Variants in GDA observed in about 807,000 individuals in gnomAD.
GDA encodes guanine deaminase.
In GDA, 18 loss-of-function variants were observed where a neutral mutation model predicts 59.6. The ratio of observed to expected loss-of-function variants is 0.30; its 90% CI spans 0.21 to 0.45. The LOEUF is 0.45. Ranked by LOEUF, GDA falls within the 20% of genes least tolerant of loss-of-function variation. The pLI, the probability that GDA is intolerant of heterozygous loss-of-function variation, is 1.00. For missense variants in GDA, 427 were observed against 552.3 expected, an observed-to-expected ratio of 0.77 and a Z score of 2.27; for synonymous variants, 201 against 201.1, an observed-to-expected ratio of 1.00 and a Z score of 0.00.
chr9:72,254,095 G>T (rs903790298), downstream of GDA, among the ~76,000 whole-genome samples: 1 of 152,162 alleles, frequency 6.6e-6, no homozygotes, highest in Non-Finnish European at 1.5e-5. Flanking sequence ...ATGGCAGCAG[G>T]TGTTTTGTTT....
intron 1 of GDA, among the ~76,000 whole-genome samples, chr9:72,161,573 G>A (rs767917298): frequency 1.2e-4 from 19 of 152,102 alleles, no homozygotes; most frequent in Non-Finnish European, 2.8e-4. Flanking sequence ...GTTCTCAAAG[G>A]CCTTTAACTC....
intron 1 of GDA, among the ~76,000 whole-genome samples, chr9:72,122,804 T>C (rs1825708670): frequency 6.6e-6 from 1 of 152,152 alleles, no homozygotes; most frequent in African/African-American, 2.4e-5. Context: ...AGCCTTTCTA[T>C]CATTTCCCTT....
At chr9:72,155,375 G>C (rs1371660493) in intron 1 of GDA, among the ~76,000 whole-genome samples, 1 of 152,180 alleles carries the variant, frequency 6.6e-6, no homozygotes, top group Non-Finnish European at 1.5e-5. Context: ...CCCACAACAT[G>C]TGGGAATTAG....
At chr9:72,146,738 C>A (rs1479558514), upstream of GDA, among the ~76,000 whole-genome samples, 2 of 152,158 alleles carry the variant, frequency 1.3e-5, no homozygotes, top group Non-Finnish European at 2.9e-5. Context: ...GTGATCCGCC[C>A]TCCTCAGCCT....
intron 1 of GDA, among the ~76,000 whole-genome samples, chr9:72,120,575 CT>C (rs1039100383): frequency 1.1e-4 from 16 of 152,244 alleles, no homozygotes; most frequent in African/African-American, 3.4e-4. Context: ...GCAGTGGGGT[CT>C]TTTCTTGTTT....
intron 1 of GDA, among the ~76,000 whole-genome samples, chr9:72,170,239 G>A (rs1829789444): frequency 6.6e-6 from 1 of 152,180 alleles, no homozygotes; most frequent in African/African-American, 2.4e-5. Flanking sequence ...AAGTGCGGTA[G>A]CTTCTGGGGC....
At chr9:72,257,315 G>A (rs1403367644), downstream of GDA, 1 of 148,802 alleles carries the variant, frequency 6.7e-6, no homozygotes, top group African/African-American at 2.5e-5. Context: ...GATAGCCGAG[G>A]TTGCCTTAAG....
Position 72,153,963 on chromosome 9 carries a change from TA to T in GDA, c.123+4291del, listed in dbSNP as rs144225313. On this transcript the variant is annotated intron_variant, in intron 1 of 13. Transcript: ENST00000358399. ...ATGTACCCTAAAACTTAAAGTATAA[TA>T]AAAAAAAAATATAGACTCTAACATG... Among the ~76,000 whole-genome samples the T allele has an allele frequency of 5.1e-3, 760 of 149,422 alleles. 4 individuals carry two copies. The highest frequency in any genetic ancestry group is 0.011 in the South Asian group (53 of 4,702).
intron 1 of GDA, among the ~76,000 whole-genome samples, chr9:72,170,191 GA>G (rs1188974378): frequency 6.6e-6 from 1 of 152,212 alleles, no homozygotes; most frequent in Non-Finnish European, 1.5e-5. Context: ...CTGTGCTTAT[GA>G]AAACACATAA....
chr9:72,170,577 A>G (rs1284057875), intron 1 of GDA, among the ~76,000 whole-genome samples: 1 of 152,180 alleles, frequency 6.6e-6, no homozygotes, highest in Non-Finnish European at 1.5e-5. Context: ...CATTCGTAAA[A>G]TGGATATGGG....
chr9:72,129,009 C>T (rs1439328209), intron 1 of GDA, among the ~76,000 whole-genome samples: 1 of 151,600 alleles, frequency 6.6e-6, no homozygotes, highest in East Asian at 1.9e-4. Context: ...TTTGCCCAGG[C>T]TGAAGTGAAG....
At chr9:72,168,113 T>C (rs62561976) in intron 1 of GDA, among the ~76,000 whole-genome samples, 1 of 151,902 alleles carries the variant, frequency 6.6e-6, no homozygotes. Context: ...AGGAAAAGAT[T>C]GGGCAGGGTG....
At chr9:72,180,517 A>G (rs933876707) in intron 1 of GDA, among the ~76,000 whole-genome samples, 47 of 152,266 alleles carry the variant, frequency 3.1e-4, no homozygotes, top group African/African-American at 1.0e-3. Flanking sequence ...CAAAAGAGAG[A>G]GAGAGTGAGT....
chr9:72,206,927 A>C (rs1395614878), intron 3 of GDA, among the ~76,000 whole-genome samples: 1 of 151,852 alleles, frequency 6.6e-6, no homozygotes, highest in Non-Finnish European at 1.5e-5. Context: ...TAGAATTATC[A>C]AAAATGGCTT....
intron 7 of GDA, among the ~76,000 whole-genome samples, chr9:72,223,630 T>C (rs1373596156): frequency 6.6e-6 from 1 of 152,202 alleles, no homozygotes; most frequent in Non-Finnish European, 1.5e-5. Flanking sequence ...AAACCAGCTA[T>C]TATTTGAAAA....
At chr9:72,204,565 A>G (rs935026871) in intron 3 of GDA, among the ~76,000 whole-genome samples, 7 of 152,206 alleles carry the variant, frequency 4.6e-5, no homozygotes, top group Non-Finnish European at 1.0e-4. Flanking sequence ...TAAAAAACAC[A>G]TTTGTTAAGG....
rs1564025002 is a variant in GDA, at chr9:72,198,862, A to ATATATATATATAT, written c.212+3274_212+3275insTATATATATATAT. On this transcript the variant is annotated intron_variant, in intron 2 of 13. Transcript: ENST00000358399. Reference sequence around the variant, plus strand: ...ATATAGGGGGATATATATATATATAAAATTTTTTTTGCTCAGGTTATGATA... The same window carrying ATATATATATATAT: ...ATATAGGGGGATATATATATATATAATATATATATATATAATTTTTTTTGCTCAGGTTATGATA... 5.6e-4 allele frequency among the ~76,000 whole-genome samples: 51 copies of ATATATATATATAT among 91,718 alleles called. 3 individuals carry two copies. The highest frequency in any genetic ancestry group is 2.0e-3 in the African/African-American group (51 of 25,732). The allele number at this position is 91,718 out of a possible 152,430, so 60.2% of individuals were successfully genotyped here.
At chr9:72,256,438 G>A (rs927473726), downstream of GDA, among the ~76,000 whole-genome samples, 3 of 152,192 alleles carry the variant, frequency 2.0e-5, no homozygotes, top group Admixed American at 6.5e-5. Context: ...GATGTATAGA[G>A]AGCTAAGGGT....
rs531583959 is a variant in GDA, at chr9:72,116,842, T to G, written c.-100+2009T>G. On this transcript the variant is annotated intron_variant, in intron 1 of 13. Coordinates refer to the GDA transcript ENST00000545168. ...GCACAACGTGCAGGTTTGTTACATA[T>G]GTATACATGTGCCATGTTGGTGTGC... 1.2e-3 allele frequency among the ~76,000 whole-genome samples: 184 copies of G among 152,252 alleles called. 1 individual carries two copies. Among genetic ancestry groups the G allele is most frequent in the Middle Eastern group, 6.8e-3 (2 of 294 alleles).
Sources: allele counts gnomAD v4.1 joint callset (sites outside exome capture counted in the v4.1 genomes callset), GRCh38; gene constraint gnomAD v4.1.1; transcripts MANE v1.5; gene names NCBI Gene and HGNC (gene_info 2026-07-23, HGNC 2026-07-21).